The following INTS13 variants were observed in gnomAD, a reference collection of about 807,000 sequenced individuals.
INTS13 encodes the protein integrator complex subunit 13.
INTS13 carries 35 observed loss-of-function variants against 90.2 expected under a neutral mutation model. That is an observed-to-expected ratio of 0.39 (90% CI 0.30 to 0.51). INTS13 has a LOEUF of 0.51. Ranked by LOEUF, INTS13 falls within the 20% of genes least tolerant of loss-of-function variation. INTS13 has a pLI of 0.80. For missense variants in INTS13, 601 were observed against 851.2 expected (o/e 0.71, Z 3.66); for synonymous variants, 309 against 277.1 (o/e 1.11, Z -1.14).
Position 26,924,349 on chromosome 12 carries a change from G to A in INTS13, c.804+6C>T. Reference sequence around the variant, plus strand: ...TTTCAAAATAGCAGGAAAAAGAACTGCCTACCTTCATTGGAATATTTGTAA... The same window carrying A: ...TTTCAAAATAGCAGGAAAAAGAACTACCTACCTTCATTGGAATATTTGTAA... On this transcript the variant is annotated splice_donor_region_variant and intron_variant, in intron 7 of 16. Coordinates refer to ENST00000261191, the MANE Select transcript of INTS13 (RefSeq NM_018164.3). 1 of 1,609,640 alleles carries A rather than the reference G, an allele frequency of 6.2e-7. No homozygotes were observed. The highest frequency in any genetic ancestry group is 8.5e-7 in the Non-Finnish European group (1 of 1,178,132).
Position 26,906,415 on chromosome 12 carries a change from C to A in INTS13, c.1968G>T (p.Leu656Phe), listed in dbSNP as rs765053308. 6.2e-7 allele frequency: 1 copy of A among 1,610,662 alleles called. No individual in the cohort carries two copies. Among genetic ancestry groups the A allele is most frequent in the Admixed American group, 1.7e-5 (1 of 59,748 alleles). Residue 656 changes from leucine to phenylalanine, a missense_variant, in exon 16 of 17, where the codon TTG becomes TTT. Leu to Phe is a conservative substitution (Grantham distance 22). This residue lies in a region of INTS13 where 228 missense variants were observed against 272.5 expected (regional missense o/e 0.84). Coordinates refer to ENST00000261191, the MANE Select transcript of INTS13 (RefSeq NM_018164.3). The part of the protein sequence containing the change: ...KSKGPVSLLS[L>F]WSNRINTANS... Reference sequence around the variant, plus strand: ...TGGCAGTATTGATTCTATTACTCCACAAGGATAATAACGACACTGGCCCTA... The same window carrying A: ...TGGCAGTATTGATTCTATTACTCCAAAAGGATAATAACGACACTGGCCCTA...
intron 8 of INTS13, 31 bp from the exon 9 acceptor site, chr12:26,917,764 T>C (rs771035479): frequency 1.4e-6 from 2 of 1,435,844 alleles, no homozygotes; most frequent in Non-Finnish European, 2.0e-6. Context: ...CATTACACAT[T>C]GTATACATGT....
intron 9 of INTS13, 71 bp downstream of exon 9, chr12:26,917,573 T>TA (rs1951973949): frequency 7.1e-7 from 1 of 1,405,572 alleles, no homozygotes; most frequent in Admixed American, 1.9e-5. Context: ...CAAAACAGAA[T>TA]AAATTGACCC....
chr12:26,928,391 T>C (rs1938003835), intron 4 of INTS13, 106 bp from the exon 5 acceptor site: 7 of 886,804 alleles, frequency 7.9e-6, no homozygotes, highest in Non-Finnish European at 1.3e-5. Context: ...TTAAAGTTAC[T>C]TCACTAAGGA....
intron 8 of INTS13, among the ~76,000 whole-genome samples, chr12:26,921,602 CTT>C (rs1952119938): frequency 6.6e-6 from 1 of 152,196 alleles, no homozygotes; most frequent in African/African-American, 2.4e-5. Context: ...AGTCCCCCGA[CTT>C]TGCTGTGTCG....
intron 5 of INTS13, among the ~76,000 whole-genome samples, chr12:26,926,266 A>C (rs1409498557): frequency 6.6e-6 from 1 of 152,230 alleles, no homozygotes; most frequent in Non-Finnish European, 1.5e-5. Flanking sequence ...GGTAATGCTA[A>C]AAATTTCCCC....
chr12:26,922,756 A>C lies in INTS13; in HGVS notation c.805-56T>G, dbSNP rs1937656220. 10 of 1,109,252 alleles carry C rather than the reference A, an allele frequency of 9.0e-6. No homozygotes were observed. In the East Asian group the frequency reaches 2.1e-4, roughly 23 times the overall value. The allele number at this position is 1,109,252 out of a possible 1,614,324, so 68.7% of individuals were successfully genotyped here. ...ACTTGGTTTTGCTTTCAAAATAATA[A>C]AATTATTAATTATTCATTTGCTTTT... On this transcript the variant is annotated intron_variant, in intron 7 of 16. Transcript: ENST00000261191.
intron 8 of INTS13, among the ~76,000 whole-genome samples, chr12:26,919,857 C>T (rs1235369030): frequency 1.3e-5 from 2 of 152,064 alleles, no homozygotes; most frequent in Non-Finnish European, 2.9e-5. Context: ...GGGCCGGGCA[C>T]GGTGACTCAC....
At chr12:26,919,919 G>A (rs754231700) in intron 8 of INTS13, among the ~76,000 whole-genome samples, 5 of 152,190 alleles carry the variant, frequency 3.3e-5, no homozygotes, top group South Asian at 4.2e-4. Context: ...ACGAGGTCAG[G>A]AGATCAAGAC....
Position 26,934,582 on chromosome 12 carries a change from T to C in INTS13, c.274A>G (p.Thr92Ala), listed in dbSNP as rs756408243. 2 of 1,613,432 alleles carry C rather than the reference T, an allele frequency of 1.2e-6. No individual in the cohort carries two copies. Among genetic ancestry groups the C allele is most frequent in the Non-Finnish European group, 1.7e-6 (2 of 1,179,556 alleles). ...TCCTGTAAATTTTGGTCTTCTTGAG[T>C]CCAAGAATTTAAAACATGTGCTCCA... Reference protein sequence around the residue: ...DSGAHVLNSWTQEDQNLQELM... With the variant: ...DSGAHVLNSWAQEDQNLQELM... The change falls in exon 3 of 17, where the codon ACT becomes GCT. Residue 92 changes from threonine (T) to alanine (A), a missense_variant. Thr to Ala is a moderately conservative substitution (Grantham distance 58, BLOSUM62 0). This residue lies in a region of INTS13 where 284 missense variants were observed against 387.7 expected (regional missense o/e 0.73). Coordinates refer to ENST00000261191, the MANE Select transcript of INTS13 (RefSeq NM_018164.3).
chr12:26,909,273 A>G (rs1951703514), intron 15 of INTS13, among the ~76,000 whole-genome samples: 1 of 152,168 alleles, frequency 6.6e-6, no homozygotes, highest in Admixed American at 6.5e-5. Flanking sequence ...AGGCAGGAGA[A>G]TCACTTGAAC....
chr12:26,909,294 G>A (rs1951704204), intron 15 of INTS13, among the ~76,000 whole-genome samples: 1 of 152,156 alleles, frequency 6.6e-6, no homozygotes, highest in African/African-American at 2.4e-5. Flanking sequence ...CCAAGAGGCA[G>A]AGGCTGCACT....
At chr12:26,922,285 G>A (rs747240526) in intron 8 of INTS13, among the ~76,000 whole-genome samples, 12 of 152,140 alleles carry the variant, frequency 7.9e-5, no homozygotes, top group East Asian at 1.9e-4. Context: ...TCCCAAAAAC[G>A]ATGAGTACAG....
intron 8 of INTS13, chr12:26,919,047 T>C (rs1452588992): frequency 2.5e-6 from 1 of 398,724 alleles, no homozygotes; most frequent in Non-Finnish European, 5.1e-6. Context: ...GCACCTGCAG[T>C]CCCAGCTACT....
Position 26,913,657 on chromosome 12 carries a change from T to C in INTS13, c.1605A>G (p.Glu535=), listed in dbSNP as rs1034347354. 1.2e-6 allele frequency: 2 copies of C among 1,613,762 alleles called. No individual in the cohort carries two copies. The highest frequency in any genetic ancestry group is 2.7e-5 in the African/African-American group (2 of 74,918). Residue 535 remains glutamate, a synonymous_variant, in exon 14 of 17, where the codon GAA becomes GAG. Transcript: ENST00000261191. The stretch of plus-strand genomic sequence containing the variant: ...TATGGGCTCTGACAAGGGTTTCTAA[T>C]TCATTCCACATGATACGGTATTGTT... ...RDEQYRIMWN[E]LETLVRAHIN...
intron 4 of INTS13, 88 bp downstream of exon 4, chr12:26,928,615 G>T: frequency 1.9e-5 from 25 of 1,299,816 alleles, no homozygotes; most frequent in Non-Finnish European, 2.7e-5. Flanking sequence ...ACGTAAACAT[G>T]TAAACATGCT....
chr12:26,917,521 C>T, intron 9 of INTS13, 80 bp from the exon 10 acceptor site: 1 of 1,234,336 alleles, frequency 8.1e-7, no homozygotes, highest in Non-Finnish European at 1.2e-6. Context: ...AAAACTTCTT[C>T]ACTGAGTTCA....
In INTS13 at chr12:26,917,640, C is replaced by T. The variant is rs771987790; in HGVS notation, c.979+4G>A. The stretch of plus-strand genomic sequence containing the variant: ...GTCTTTTTCAGTTATTCTTAAATAC[C>T]TACCAATGTTATTTGTCCTTGGTGT... On this transcript the variant is annotated splice_donor_region_variant and intron_variant, in intron 9 of 16. Transcript: ENST00000261191. The T allele has an allele frequency of 6.2e-7, 1 of 1,604,506 alleles. No homozygotes were observed. The highest frequency in any genetic ancestry group is 1.1e-5 in the South Asian group (1 of 90,864).
intron 2 of INTS13, among the ~76,000 whole-genome samples, chr12:26,935,841 G>C (rs1433332550): frequency 6.6e-6 from 1 of 152,132 alleles, no homozygotes; most frequent in Non-Finnish European, 1.5e-5. Context: ...CCAGCGCTTC[G>C]AGTAAGACAG....
Sources: gnomAD v4.1 joint callset for allele counts (sites outside exome capture counted in the v4.1 genomes callset) on GRCh38, gnomAD v4.1.1 for gene constraint, gnomAD v4.1.1 regional missense constraint, MANE v1.5 for transcripts, NCBI Gene and HGNC (gene_info 2026-07-23, HGNC 2026-07-21) for gene names.